Variants in BANK1 observed in about 807,000 individuals in gnomAD.
The protein encoded by BANK1 is B cell scaffold protein with ankyrin repeats 1, also known as B-cell scaffold protein with ankyrin repeats.
BANK1 carries 95 observed loss-of-function variants against 94.5 expected under a neutral mutation model. The ratio of observed to expected loss-of-function variants is 1.00; its 90% CI spans 0.85 to 1.19. The LOEUF (loss-of-function observed/expected upper bound fraction) is 1.19. BANK1 is among the 50% of genes most tolerant of loss of function. The pLI is 0.00. For missense variants in BANK1, 987 were observed against 932.2 expected, an observed-to-expected ratio of 1.06 and a Z score of -0.77; for synonymous variants, 334 against 308.4, an observed-to-expected ratio of 1.08 and a Z score of -0.87.
At chr4:101,942,240 T>C (rs1474417376) in intron 7 of BANK1, among the ~76,000 whole-genome samples, 1 of 151,920 alleles carries the variant, frequency 6.6e-6, no homozygotes, top group Non-Finnish European at 1.5e-5. Flanking sequence ...AGTCATTCCA[T>C]AAAATTTATC....
intron 2 of BANK1, 87 bp from the exon 3 acceptor site, chr4:101,854,948 G>T (rs986482408): frequency 1.0e-5 from 10 of 995,834 alleles, no homozygotes; most frequent in East Asian, 2.4e-5. Context: ...TATTAAATTG[G>T]TTGTTTAGCA....
intron 5 of BANK1, among the ~76,000 whole-genome samples, chr4:101,880,577 T>C (rs935060172): frequency 6.6e-6 from 1 of 151,846 alleles, no homozygotes; most frequent in Non-Finnish European, 1.5e-5. Flanking sequence ...AAAAAAACTA[T>C]CCTAAAGTTT....
At chr4:101,867,175 T>TAA (rs774893110) in intron 4 of BANK1, among the ~76,000 whole-genome samples, 466 of 34,206 alleles carry the variant, frequency 0.014, 34 homozygotes, top group East Asian at 0.092. Flanking sequence ...TAAAAAAAAT[T>TAA]TAAAAAAAAA....
chr4:102,050,837 A>T (rs1020064132), intron 11 of BANK1, among the ~76,000 whole-genome samples: 2 of 152,142 alleles, frequency 1.3e-5, no homozygotes, highest in Non-Finnish European at 2.9e-5. Context: ...ATTTTTGCTA[A>T]TGAAAACTAT....
chr4:101,857,707 T>C (rs1343562375), intron 3 of BANK1, among the ~76,000 whole-genome samples: 1 of 152,220 alleles, frequency 6.6e-6, no homozygotes, highest in African/African-American at 2.4e-5. Flanking sequence ...TTTATTTCTT[T>C]AACTTTTTTT....
At chr4:102,005,279 T>G (rs1469837885) in intron 7 of BANK1, among the ~76,000 whole-genome samples, 1 of 152,100 alleles carries the variant, frequency 6.6e-6, no homozygotes, top group Non-Finnish European at 1.5e-5. Flanking sequence ...TTTTCTGTTA[T>G]CAACATCAAT....
chr4:101,865,891 T>C (rs1056128610), intron 4 of BANK1, among the ~76,000 whole-genome samples: 1 of 152,094 alleles, frequency 6.6e-6, no homozygotes, highest in Non-Finnish European at 1.5e-5. Context: ...GAAACAAGAA[T>C]GCTAGAGGAA....
chr4:102,009,332 A>C (rs188835185), intron 7 of BANK1, among the ~76,000 whole-genome samples: 33 of 152,218 alleles, frequency 2.2e-4, no homozygotes, highest in African/African-American at 7.2e-4. Flanking sequence ...TTGTTTCCCA[A>C]CTGAGCATGG....
chr4:102,013,386 T>C (rs1726575948), intron 7 of BANK1, among the ~76,000 whole-genome samples: 1 of 152,118 alleles, frequency 6.6e-6, no homozygotes, highest in African/African-American at 2.4e-5. Context: ...AATGTTAGCC[T>C]AAAGAAGTTC....
rs866264924 is a variant in BANK1, at chr4:101,958,482, T to G, written c.1206+40293T>G. 5.3e-3 allele frequency among the ~76,000 whole-genome samples: 672 copies of G among 127,458 alleles called. 10 individuals carry two copies. In the East Asian group the frequency reaches 0.064, roughly 12 times the overall value. The allele number at this position is 127,458 out of a possible 152,430, so 83.6% of individuals were successfully genotyped here. On this transcript the variant is annotated intron_variant, in intron 7 of 16. Transcript: ENST00000322953. ...CCCCATGCTTTTTTTTTTTTTTTTT[T>G]TCTTAAAATATTTCTTGCTGTTTGT...
At chr4:101,927,930 T>TG in intron 7 of BANK1, among the ~76,000 whole-genome samples, 2 of 151,706 alleles carry the variant, frequency 1.3e-5, no homozygotes, top group African/African-American at 4.8e-5. Context: ...TCTATTGACC[T>TG]GGATGCCAAG....
chr4:102,049,346 A>G (rs1727976178), intron 11 of BANK1, among the ~76,000 whole-genome samples: 1 of 152,192 alleles, frequency 6.6e-6, no homozygotes, highest in African/African-American at 2.4e-5. Context: ...TTACAAAATC[A>G]TATATAGTCT....
chr4:102,073,564 C>T, intron 15 of BANK1, 120 bp from the exon 16 acceptor site: 1 of 807,460 alleles, frequency 1.2e-6, no homozygotes, highest in Non-Finnish European at 1.9e-6. Context: ...CCAGTTTTCT[C>T]TGCAAAGCTG....
intron 10 of BANK1, among the ~76,000 whole-genome samples, chr4:102,032,690 C>T (rs1162184191): frequency 2.0e-5 from 3 of 151,978 alleles, no homozygotes; most frequent in African/African-American, 7.3e-5. Context: ...CAAGACCAGC[C>T]TGGCTAACAT....
intron 7 of BANK1, among the ~76,000 whole-genome samples, chr4:101,945,543 A>T (rs1196867949): frequency 2.0e-5 from 3 of 152,002 alleles, no homozygotes; most frequent in Non-Finnish European, 4.4e-5. Context: ...GTAAAAAATG[A>T]CTTAGTAGAC....
At chr4:101,938,827 A>G (rs1022587373) in intron 7 of BANK1, among the ~76,000 whole-genome samples, 1 of 151,640 alleles carries the variant, frequency 6.6e-6, no homozygotes, top group Non-Finnish European at 1.5e-5. Context: ...AAATTATACA[A>G]AGCAAATTAT....
chr4:101,916,782 T>A (rs1407845241), intron 6 of BANK1, among the ~76,000 whole-genome samples: 1 of 152,030 alleles, frequency 6.6e-6, no homozygotes, highest in Non-Finnish European at 1.5e-5. Context: ...ACTAAAAATG[T>A]ATCTGGTCTA....
At chr4:101,813,111 G>A (rs1296165774) in intron 1 of BANK1, among the ~76,000 whole-genome samples, 1 of 151,876 alleles carries the variant, frequency 6.6e-6, no homozygotes, top group Non-Finnish European at 1.5e-5. Context: ...CATCATATTT[G>A]TATTTATATA....
At chr4:101,847,171 A>G (rs1727279615) in intron 2 of BANK1, among the ~76,000 whole-genome samples, 1 of 150,280 alleles carries the variant, frequency 6.7e-6, no homozygotes, top group Non-Finnish European at 1.5e-5. Flanking sequence ...CAAGGATAAT[A>G]TTATTGCCTG....
Sources: allele counts gnomAD v4.1 joint callset (sites outside exome capture counted in the v4.1 genomes callset), GRCh38; gene constraint gnomAD v4.1.1; transcripts MANE v1.5; gene names NCBI Gene and HGNC (gene_info 2026-07-23, HGNC 2026-07-21).